SLC9A7: variants seen among roughly 807,000 people sequenced by gnomAD.
The protein encoded by SLC9A7 is solute carrier family 9 member A7.
SLC9A7 carries 19 observed loss-of-function variants against 52.6 expected under a neutral mutation model. The ratio of observed to expected loss-of-function variants is 0.36; its 90% confidence interval spans 0.25 to 0.53. The LOEUF (loss-of-function observed/expected upper bound fraction) is 0.53, where lower values mean the gene tolerates loss of function less well. Ranked by LOEUF, SLC9A7 falls within the 20% of genes least tolerant of loss-of-function variation. The probability of loss-of-function intolerance (pLI) is 0.91; values close to 1 mark genes in which losing one functional copy is unlikely to be tolerated. For synonymous variants in SLC9A7, 226 were observed against 252.1 expected (o/e 0.90, Z 0.98); for missense variants, 455 against 597.9 (o/e 0.76, Z 2.49).
In SLC9A7 at chrX:46,661,198, A is replaced by G. The variant is rs1245747430; in HGVS notation, c.1041+818T>C. ...GAGAACACATGGACACAGGAAGGGG[A>G]ACATCACACTCTGGGGACTGTTGTG... On this transcript the variant is annotated intron_variant, in intron 7 of 16. Transcript: ENST00000616978. Among the ~76,000 whole-genome samples, 126 of 107,070 alleles carry G rather than the reference A, an allele frequency of 1.2e-3. 1 individual carries two copies. The highest frequency in any genetic ancestry group is 4.1e-3 in the African/African-American group (121 of 29,285). 93.0% of individuals were successfully genotyped at this position (107,070 alleles called of 115,157 possible).
intron 12 of SLC9A7, among the ~76,000 whole-genome samples, chrX:46,642,644 C>T (rs936857884): frequency 2.7e-5 from 3 of 111,820 alleles, no homozygotes; most frequent in African/African-American, 9.8e-5. Context: ...AATTCAAGCG[C>T]TCTTGAAAAA....
At chrX:46,694,842 C>G (rs762368028) in intron 1 of SLC9A7, among the ~76,000 whole-genome samples, 3 of 112,210 alleles carry the variant, frequency 2.7e-5, no homozygotes, top group Non-Finnish European at 5.6e-5. Flanking sequence ...AAATGTCCAT[C>G]AACTGATGAA....
At chrX:46,704,044 A>G (rs1311702880) in intron 1 of SLC9A7, among the ~76,000 whole-genome samples, 2 of 111,526 alleles carry the variant, frequency 1.8e-5, no homozygotes, top group African/African-American at 3.3e-5. Flanking sequence ...AAAGTAAGCC[A>G]TGCCATTTCC....
intron 11 of SLC9A7, among the ~76,000 whole-genome samples, chrX:46,646,212 C>G (rs752903457): frequency 1.8e-5 from 2 of 110,998 alleles, no homozygotes; most frequent in Non-Finnish European, 3.8e-5. Context: ...TGGGGGCAAA[C>G]AGGCTCTCTT....
At chrX:46,678,412 T>TTTTTTTTATTTATTTATTTA (rs1556148043) in intron 3 of SLC9A7, among the ~76,000 whole-genome samples, 3 of 91,013 alleles carry the variant, frequency 3.3e-5, no homozygotes, top group South Asian at 5.7e-4. Context: ...TGGCATTTGT[T>TTTTTTTTATTTATTTATTTA]TTTATTTATT....
chrX:46,621,190 C>T (rs1943041187), intron 14 of SLC9A7, 131 bp from the exon 15 acceptor site: 1 of 399,268 alleles, frequency 2.5e-6, no homozygotes, highest in South Asian at 5.6e-5. Context: ...AGCAAAGTTT[C>T]AAAGATATAT....
intron 7 of SLC9A7, among the ~76,000 whole-genome samples, chrX:46,654,109 G>A (rs1159274722): frequency 9.0e-6 from 1 of 111,396 alleles, no homozygotes; most frequent in Non-Finnish European, 1.9e-5. Flanking sequence ...TAATCATGTA[G>A]GCCAGGTGTG....
At chrX:46,715,779 T>C (rs900547423) in intron 1 of SLC9A7, among the ~76,000 whole-genome samples, 2 of 112,083 alleles carry the variant, frequency 1.8e-5, no homozygotes, top group African/African-American at 3.2e-5. Context: ...TTATGAGCTA[T>C]TCAACACTTT....
intron 7 of SLC9A7, among the ~76,000 whole-genome samples, chrX:46,658,492 A>G (rs1477129928): frequency 8.1e-4 from 90 of 110,878 alleles, no homozygotes; most frequent in African/African-American, 2.7e-3. Context: ...TAATAAAGAA[A>G]AAAAGAGAGA....
At chrX:46,655,566 A>C (rs1157792059) in intron 7 of SLC9A7, among the ~76,000 whole-genome samples, 2 of 112,266 alleles carry the variant, frequency 1.8e-5, no homozygotes, top group Non-Finnish European at 3.8e-5. Context: ...TGGGAAGCGC[A>C]AGGGGTCAGG....
chrX:46,658,870 T>A (rs1461285000), intron 7 of SLC9A7, among the ~76,000 whole-genome samples: 2 of 110,485 alleles, frequency 1.8e-5, no homozygotes, highest in African/African-American at 6.6e-5. Flanking sequence ...CTAACTCATT[T>A]TATGAGGCCA....
intron 1 of SLC9A7, among the ~76,000 whole-genome samples, chrX:46,753,361 T>A (rs1922376137): frequency 8.9e-6 from 1 of 112,088 alleles, no homozygotes; most frequent in Non-Finnish European, 1.9e-5. Context: ...ATATCATATA[T>A]AAATTACATA....
At chrX:46,631,525 G>A in intron 14 of SLC9A7, 61 bp downstream of exon 14, 1 of 938,236 alleles carries the variant, frequency 1.1e-6, no homozygotes, top group Non-Finnish European at 1.5e-6. Context: ...TAGGTAAAGT[G>A]CCTGGCATGT....
chrX:46,703,998 A>G (rs1944569379), intron 1 of SLC9A7, among the ~76,000 whole-genome samples: 1 of 111,497 alleles, frequency 9.0e-6, no homozygotes, highest in Non-Finnish European at 1.9e-5. Context: ...TACAATATAT[A>G]TTTCCTATTA....
chrX:46,675,229 A>C (rs1393271107), intron 3 of SLC9A7, among the ~76,000 whole-genome samples: 1 of 110,171 alleles, frequency 9.1e-6, no homozygotes, highest in Non-Finnish European at 1.9e-5. Flanking sequence ...AAATCCAATG[A>C]GAACTTTTTC....
At chrX:46,703,207 C>T (rs1375316520) in intron 1 of SLC9A7, among the ~76,000 whole-genome samples, 1 of 111,968 alleles carries the variant, frequency 8.9e-6, no homozygotes, top group Non-Finnish European at 1.9e-5. Flanking sequence ...TTCTCCCATT[C>T]TGTAGATTGT....
intron 1 of SLC9A7, among the ~76,000 whole-genome samples, chrX:46,702,925 C>A (rs1198029923): frequency 8.9e-6 from 1 of 112,123 alleles, no homozygotes; most frequent in African/African-American, 3.2e-5. Context: ...CTTTTCTGTG[C>A]AGCCTTGCCA....
chrX:46,666,231 C>A (rs1011105921), intron 5 of SLC9A7, among the ~76,000 whole-genome samples: 1 of 111,630 alleles, frequency 9.0e-6, no homozygotes, highest in African/African-American at 3.3e-5. Flanking sequence ...CTCAGCCCCC[C>A]GAGTAGCTGG....
chrX:46,724,180 A>G (rs1944907859), intron 1 of SLC9A7, among the ~76,000 whole-genome samples: 1 of 112,059 alleles, frequency 8.9e-6, no homozygotes, highest in Non-Finnish European at 1.9e-5. Flanking sequence ...ATTGTTAACA[A>G]TCCCTCATAT....
Sources: gnomAD v4.1 joint callset for allele counts (sites outside exome capture counted in the v4.1 genomes callset) on GRCh38, gnomAD v4.1.1 for gene constraint, MANE v1.5 for transcripts, NCBI Gene and HGNC (gene_info 2026-07-23, HGNC 2026-07-21) for gene names.